AMIGO3: variants seen among roughly 807,000 people sequenced by gnomAD.
The protein encoded by AMIGO3 is amphoterin-induced protein 3.
AMIGO3 carries 6 observed loss-of-function variants against 4.3 expected under a neutral mutation model. The observed-to-expected ratio is 1.39, with a 90% CI of 0.76 to 2.75. The LOEUF is 2.75. AMIGO3 is among the 30% of genes most tolerant of loss of function. The pLI, the probability that AMIGO3 is intolerant of heterozygous loss-of-function variation, is 0.00. For synonymous variants in AMIGO3, 315 were observed against 320.0 expected (o/e 0.98, Z 0.17); for missense variants, 771 against 692.1 (o/e 1.11, Z -1.28).
rs766764195 is a variant in AMIGO3 at position 49,718,956 on chromosome 3, G to A, written c.510C>T (p.Ala170=). The change falls in exon 1 of 1, where the codon GCC becomes GCT. Residue 170 remains alanine (A), a synonymous_variant. Coordinates refer to ENST00000320431, the MANE Select transcript of AMIGO3 (RefSeq NM_198722.3). ...SHLYLGCNEL[A]SFSFDHLHGL... is the part of the protein sequence containing the mutation. ...CGTGCAGGTGGTCGAAGGAGAACGA[G>A]GCGAGTTCGTTGCAGCCCAGGTAGA... 3 of 1,613,808 alleles carry A rather than the reference G, an allele frequency of 1.9e-6. No individual in the cohort carries two copies. Among genetic ancestry groups the A allele is most frequent in the Non-Finnish European group, 1.7e-6 (2 of 1,180,042 alleles).
Position 49,719,247 on chromosome 3 carries a change from G to C in AMIGO3, c.219C>G (p.Leu73=). ...TADLDLSHNA[L]QRLRPGWLAP... is the part of the protein sequence containing the mutation. ...CCAACCAGCCGGGGCGCAGGCGCTG[G>C]AGCGCGTTGTGGCTCAGGTCGAGGT... Residue 73 remains leucine (L), a synonymous_variant, in exon 1 of 1, where the codon CTC becomes CTG. Coordinates refer to ENST00000320431, the MANE Select transcript of AMIGO3 (RefSeq NM_198722.3). The C allele has an allele frequency of 6.2e-7, 1 of 1,613,238 alleles. No homozygotes were observed. Among genetic ancestry groups the C allele is most frequent in the Non-Finnish European group, 8.5e-7 (1 of 1,179,872 alleles).
At position 49,718,433 on chromosome 3, in the gene AMIGO3, G is replaced by C; in HGVS notation, c.1033C>G (p.Gln345Glu). ...GSLAIGNVQE[Q>E]HAGLFVCLAT... ...AGGCACACGAAGAGTCCCGCATGCT[G>C]CTCCTGTACGTTGCCTATGGCCAAG... The change falls in exon 1 of 1, where the codon CAG becomes GAG. Residue 345 changes from glutamine to glutamate, a missense_variant. By Grantham distance (29) the Gln-to-Glu change is conservative. Transcript: ENST00000320431. The C allele has an allele frequency of 6.2e-7, 1 of 1,612,912 alleles. No individual in the cohort carries two copies. Among genetic ancestry groups the C allele is most frequent in the Non-Finnish European group, 8.5e-7 (1 of 1,179,932 alleles).
At position 49,719,041 on chromosome 3, in the gene AMIGO3, TTGAACAGAAGCAGCTTCTCCAG is replaced by T; in HGVS notation, c.403_424del (p.Leu135IlefsTer39). 6.2e-7 allele frequency: 1 copy of T among 1,613,860 alleles called. No individual in the cohort carries two copies. Among genetic ancestry groups the T allele is most frequent in the Non-Finnish European group, 8.5e-7 (1 of 1,180,024 alleles). On this transcript the variant is annotated frameshift_variant, in exon 1 of 1. Coordinates refer to ENST00000320431, the MANE Select transcript of AMIGO3 (RefSeq NM_198722.3). LOFTEE classifies it low-confidence loss of function (END_TRUNC). ...CTCGTCCAAGTGCACCAAGCGGTTA[TTGAACAGAAGCAGCTTCTCCAG>T]CGCCCCCAGCCCGTCGAGGTCGTGG... is the stretch of plus-strand genomic sequence containing the variant.
rs2080255725 is a variant in AMIGO3 at position 49,716,842 on chromosome 3, C to T, written c.*1109G>A. ...GGAGGACCGCCATTGTCTGCAAAGG[C>T]TCTAGCAATAAGCATGTGCTACCTT... On this transcript the variant is annotated 3_prime_UTR_variant, in exon 1 of 1. Coordinates refer to ENST00000320431, the MANE Select transcript of AMIGO3 (RefSeq NM_198722.3). The T allele has an allele frequency of 1.4e-5, 3 of 219,080 alleles. No individual in the cohort carries two copies. In the South Asian group the frequency reaches 2.6e-4, roughly 19 times the overall value. The allele number at this position is 219,080 out of a possible 1,614,324, so 13.6% of individuals were successfully genotyped here. A position where few individuals can be genotyped will look rare whatever the true frequency, so the allele number is the denominator to read the frequency against.
rs1270102020 is a variant in AMIGO3, at chr3:49,719,638, G to T, written c.-173C>A. 3 of 604,894 alleles carry T rather than the reference G, an allele frequency of 5.0e-6. No individual in the cohort carries two copies. In the African/African-American group the frequency reaches 5.7e-5, roughly 11 times the overall value. The allele number at this position is 604,894 out of a possible 1,614,324, so 37.5% of individuals were successfully genotyped here. A position where few individuals can be genotyped will look rare whatever the true frequency, so the allele number is the denominator to read the frequency against. ...CTCTCCGGTTCCCAGGTTGTGAGGC[G>T]GTGCGGCACTCTTAGCCGCGCTCCC... On this transcript the variant is annotated 5_prime_UTR_variant, in exon 1 of 1. Transcript: ENST00000320431.
rs768260600 is a variant in AMIGO3 at position 49,718,248 on chromosome 3, G to A, written c.1218C>T (p.Pro406=). Residue 406 remains proline, a synonymous_variant, in exon 1 of 1, where the codon CCC becomes CCT. Transcript: ENST00000320431. The part of the protein sequence containing the change: ...VLVLLYLFAP[P]CRCCRRACRC... ...GGCAGGCACGGCGGCAGCAGCGGCA[G>A]GGTGGGGCGAACAGGTAGAGCAGCA... 1 of 1,612,220 alleles carries A rather than the reference G, an allele frequency of 6.2e-7. No homozygotes were observed. The highest frequency in any genetic ancestry group is 8.5e-7 in the Non-Finnish European group (1 of 1,179,498).
In AMIGO3 at chr3:49,719,379, A is replaced by C. The variant is rs747435926; in HGVS notation, c.87T>G (p.Arg29=). Residue 29 remains arginine, a synonymous_variant, in exon 1 of 1, where the codon CGT becomes CGG. Transcript: ENST00000320431. The part of the protein sequence containing the change: ...GTPDSEGFPP[R]ALHNCPYKCI... ...ATTTGTAGGGGCAGTTGTGGAGCGC[A>C]CGGGGCGGGAAACCCTCGGAGTCCG... 1 of 1,613,594 alleles carries C rather than the reference A, an allele frequency of 6.2e-7. No individual in the cohort carries two copies. The highest frequency in any genetic ancestry group is 8.5e-7 in the Non-Finnish European group (1 of 1,180,022).
rs1320698835 is a variant in AMIGO3, at chr3:49,719,193, G to A, written c.273C>T (p.His91=). The change falls in exon 1 of 1, where the codon CAC becomes CAT. Residue 91 remains histidine (H), a synonymous_variant. Coordinates refer to ENST00000320431, the MANE Select transcript of AMIGO3 (RefSeq NM_198722.3). The part of the protein sequence containing the change: ...LAPLFQLRAL[H]LDHNELDALG... ...GCGCATCTAGTTCGTTGTGGTCTAGGTGCAGGGCGCGCAGCTGGAAGAGGG... is the reference window on the plus strand; with the variant it reads ...GCGCATCTAGTTCGTTGTGGTCTAGATGCAGGGCGCGCAGCTGGAAGAGGG... 2.5e-6 allele frequency: 4 copies of A among 1,613,284 alleles called. No homozygotes were observed. The highest frequency in any genetic ancestry group is 3.4e-6 in the Non-Finnish European group (4 of 1,179,942).
chr3:49,718,164 TGAG>T lies in AMIGO3; in HGVS notation c.1299_1301del (p.Ser434del). 6.2e-7 allele frequency: 1 copy of T among 1,613,180 alleles called. No homozygotes were observed. The highest frequency in any genetic ancestry group is 8.5e-7 in the Non-Finnish European group (1 of 1,180,016). ...CGTCTGGCGGTGTGGTGCTGAGTAC[TGAG>T]GACTGTGCGCTCAGCTCTTGGAGCG... On this transcript the variant is annotated inframe_deletion, in exon 1 of 1. Transcript: ENST00000320431.
Position 49,717,864 on chromosome 3 carries a change from C to T in AMIGO3, c.*87G>A, listed in dbSNP as rs1209116954. 1.4e-6 allele frequency: 2 copies of T among 1,427,828 alleles called. No individual in the cohort carries two copies. Among genetic ancestry groups the T allele is most frequent in the Non-Finnish European group, 1.9e-6 (2 of 1,057,096 alleles). The allele number at this position is 1,427,828 out of a possible 1,614,324, so 88.4% of individuals were successfully genotyped here. On this transcript the variant is annotated 3_prime_UTR_variant, in exon 1 of 1. Transcript: ENST00000320431. ...GGGGGGCCAGGCACAGTGCTTCCCA[C>T]CAGTATCTGCCAGTTCTCTGGACCG...
rs779175999 is a variant in AMIGO3 at position 49,717,941 on chromosome 3, C to T, written c.*10G>A. The stretch of plus-strand genomic sequence containing the variant: ...AGGGTGGGGGCCTGGGTGGGGGAGC[C>T]CTGGGCAGTCTAGGTTGTCATGGGA... On this transcript the variant is annotated 3_prime_UTR_variant, in exon 1 of 1. Coordinates refer to ENST00000320431, the MANE Select transcript of AMIGO3 (RefSeq NM_198722.3). The T allele has an allele frequency of 2.2e-5, 35 of 1,607,242 alleles. No homozygotes were observed. Among genetic ancestry groups the T allele is most frequent in the Non-Finnish European group, 2.7e-5 (32 of 1,177,120 alleles).
At position 49,718,916 on chromosome 3, in the gene AMIGO3, G is replaced by A; in HGVS notation, c.550C>T (p.His184Tyr). 2 of 1,613,750 alleles carry A rather than the reference G, an allele frequency of 1.2e-6. No homozygotes were observed. Among genetic ancestry groups the A allele is most frequent in the South Asian group, 1.1e-5 (1 of 91,086 alleles). ...FDHLHGLSAT[H>Y]LLTLDLSSNR... Reference sequence around the variant, plus strand: ...GAGGAGAGGTCCAGAGTAAGCAGGTGGGTGGCGCTCAGACCGTGCAGGTGG... The same window carrying A: ...GAGGAGAGGTCCAGAGTAAGCAGGTAGGTGGCGCTCAGACCGTGCAGGTGG... Residue 184 changes from histidine (H) to tyrosine (Y), a missense_variant, in exon 1 of 1, where the codon CAC becomes TAC. Physicochemically the swap from His to Tyr is moderately conservative, Grantham distance 83 (BLOSUM62 2). Coordinates refer to ENST00000320431, the MANE Select transcript of AMIGO3 (RefSeq NM_198722.3).
chr3:49,718,333 G>T lies in AMIGO3; in HGVS notation c.1133C>A (p.Pro378His). The T allele has an allele frequency of 6.2e-7, 1 of 1,613,382 alleles. No homozygotes were observed. Among genetic ancestry groups the T allele is most frequent in the Non-Finnish European group, 8.5e-7 (1 of 1,179,940 alleles). The stretch of plus-strand genomic sequence containing the variant: ...GGTGAAGCCTGTGTTGAAAGCCTCG[G>T]GCTCTGGGCGCGGAAAGTGCACGCT... ...NVSVHFPRPE[P>H]EAFNTGFTTL... The change falls in exon 1 of 1, where the codon CCC (proline) becomes CAC (histidine). Residue 378 changes from proline to histidine, a missense_variant. Coordinates refer to ENST00000320431, the MANE Select transcript of AMIGO3 (RefSeq NM_198722.3).
At position 49,719,154 on chromosome 3, in the gene AMIGO3, G is replaced by A. The variant is rs763999842; in HGVS notation, c.312C>T (p.Val104=). 6.2e-7 allele frequency: 1 copy of A among 1,613,610 alleles called. No individual in the cohort carries two copies. Among genetic ancestry groups the A allele is most frequent in the South Asian group, 1.1e-5 (1 of 91,078 alleles). The part of the protein sequence containing the change: ...HNELDALGRG[V]FVNASGLRLL... ...GCCTCAGGCCGCTGGCGTTGACGAAGACGCCGCGACCCAGCGCATCTAGTT... is the reference window on the plus strand; with the variant it reads ...GCCTCAGGCCGCTGGCGTTGACGAAAACGCCGCGACCCAGCGCATCTAGTT... The change falls in exon 1 of 1, where the codon GTC becomes GTT. Residue 104 remains valine (V), a synonymous_variant. Coordinates refer to ENST00000320431, the MANE Select transcript of AMIGO3 (RefSeq NM_198722.3).
rs377076534 is a variant in AMIGO3 at position 49,717,933 on chromosome 3, G to C, written c.*18C>G. ...GCAGCAAGAGGGTGGGGGCCTGGGTGGGGGAGCCCTGGGCAGTCTAGGTTG... is the reference window on the plus strand; with the variant it reads ...GCAGCAAGAGGGTGGGGGCCTGGGTCGGGGAGCCCTGGGCAGTCTAGGTTG... On this transcript the variant is annotated 3_prime_UTR_variant, in exon 1 of 1. Coordinates refer to ENST00000320431, the MANE Select transcript of AMIGO3 (RefSeq NM_198722.3). 3 of 1,600,434 alleles carry C rather than the reference G, an allele frequency of 1.9e-6. No homozygotes were observed. Among genetic ancestry groups the C allele is most frequent in the Middle Eastern group, 1.7e-4 (1 of 5,770 alleles).
rs772957215 is a variant in AMIGO3 at position 49,718,814 on chromosome 3, T to G, written c.652A>C (p.Asn218His). The G allele has an allele frequency of 6.2e-7, 1 of 1,613,196 alleles. No individual in the cohort carries two copies. The highest frequency in any genetic ancestry group is 1.3e-5 in the African/African-American group (1 of 74,946). The change falls in exon 1 of 1, where the codon AAC becomes CAC. Residue 218 changes from asparagine (N) to histidine (H), a missense_variant. Physicochemically the swap from Asn to His is moderately conservative, Grantham distance 68. Coordinates refer to ENST00000320431, the MANE Select transcript of AMIGO3 (RefSeq NM_198722.3). ...CGGCAGTCGCAAGGCAAAGGGTTGT[T>G]GTGCAAGTAGAGGCCGTTCTTGAGG... Reference protein sequence around the residue: ...AFLKNGLYLHNNPLPCDCRLY... With the variant: ...AFLKNGLYLHHNPLPCDCRLY...
chr3:49,719,241 G>A lies in AMIGO3; in HGVS notation c.225C>T (p.Arg75=), dbSNP rs200266739. Residue 75 remains arginine, a synonymous_variant, in exon 1 of 1, where the codon CGC becomes CGT. Coordinates refer to ENST00000320431, the MANE Select transcript of AMIGO3 (RefSeq NM_198722.3). ...DLDLSHNALQ[R]LRPGWLAPLF... ...GGGGCGCCAACCAGCCGGGGCGCAG[G>A]CGCTGGAGCGCGTTGTGGCTCAGGT... The A allele has an allele frequency of 3.0e-5, 49 of 1,613,182 alleles. No individual in the cohort carries two copies. Among genetic ancestry groups the A allele is most frequent in the Admixed American group, 2.3e-4 (14 of 60,012 alleles).
In AMIGO3 at chr3:49,718,209, CCAGCGGCGGCAGCGGCAGGCA is replaced by C. The variant is rs1375183261; in HGVS notation, c.1236_1256del (p.Ala413_Trp419del). 10 of 1,612,220 alleles carry C rather than the reference CCAGCGGCGGCAGCGGCAGGCA, an allele frequency of 6.2e-6. No homozygotes were observed. In the African/African-American group the frequency reaches 6.7e-5, roughly 11 times the overall value. On this transcript the variant is annotated inframe_deletion, in exon 1 of 1. Coordinates refer to ENST00000320431, the MANE Select transcript of AMIGO3 (RefSeq NM_198722.3). ...CTTGGAGCGGGCTGGGTGTTTGGGG[CCAGCGGCGGCAGCGGCAGGCA>C]CGGCGGCAGCAGCGGCAGGGTGGGG...
rs1304176232 is a variant in AMIGO3 at position 49,718,690 on chromosome 3, G to A, written c.776C>T (p.Ser259Phe). Residue 259 changes from serine to phenylalanine, a missense_variant, in exon 1 of 1, where the codon TCC becomes TTC. By Grantham distance (155) the Ser-to-Phe change is radical. Transcript: ENST00000320431. Reference protein sequence around the residue: ...YVCLAFKVPASRVRFFQHSRV... With the variant: ...YVCLAFKVPAFRVRFFQHSRV... ...GCTGTGCTGGAAGAAGCGCACGCGG[G>A]ACGCGGGTACCTTGAAGGCCAAGCA... 1.9e-6 allele frequency: 3 copies of A among 1,612,872 alleles called. No homozygotes were observed. The highest frequency in any genetic ancestry group is 1.7e-5 in the Admixed American group (1 of 60,002).
Sources: gnomAD v4.1 joint callset for allele counts on GRCh38, gnomAD v4.1.1 for gene constraint, MANE v1.5 for transcripts, NCBI Gene and HGNC (gene_info 2026-07-23, HGNC 2026-07-21) for gene names.